RCC2: variants seen among roughly 807,000 people sequenced by gnomAD.
RCC2 encodes the protein protein RCC2.
A neutral mutation model predicts 64.1 loss-of-function variants in RCC2; 19 were observed. That is an observed-to-expected ratio of 0.30 (90% confidence interval 0.21 to 0.44). The LOEUF (loss-of-function observed/expected upper bound fraction) is 0.44, where lower values mean the gene tolerates loss of function less well. RCC2 is among the 20% of genes least tolerant of loss of function. The pLI is 1.00. For missense variants in RCC2, 508 were observed against 710.4 expected (o/e 0.72, Z 3.24); for synonymous variants, 325 against 279.6 (o/e 1.16, Z -1.62).
Position 17,438,299 on chromosome 1 carries a change from C to T in RCC2, c.216G>A (p.Pro72=). ...APGGGKRAAR[P]ATAGKAGGAA... is the part of the protein sequence containing the mutation. ...CGCCGCCCGCCTTGCCTGCTGTCGC[C>T]GGCCGCGCCGCGCGCTTGCCCCCGC... is the stretch of plus-strand genomic sequence containing the variant. Residue 72 remains proline (P), a synonymous_variant, in exon 2 of 13, where the codon CCG becomes CCA. Transcript: ENST00000375436. The T allele has an allele frequency of 1.6e-6, 2 of 1,253,670 alleles. No homozygotes were observed. Among genetic ancestry groups the T allele is most frequent in the Non-Finnish European group, 2.0e-6 (2 of 987,672 alleles). 77.7% of individuals were successfully genotyped at this position (1,253,670 alleles called of 1,614,324 possible).
At chr1:17,430,502 A>AG (rs1553158354) in intron 2 of RCC2, among the ~76,000 whole-genome samples, 101 of 142,634 alleles carry the variant, frequency 7.1e-4, no homozygotes, top group African/African-American at 9.2e-4. Context: ...AAAAAAAAAA[A>AG]GGGGGCCAGG....
rs368209180 is a variant in RCC2 at position 17,417,998 on chromosome 1, GA to G, written c.860-1353del. The stretch of plus-strand genomic sequence containing the variant: ...TTAGGTACTGAAGTAATCTAGAGAT[GA>G]TTTTAAGTGTACAGGTTACATGCAA... On this transcript the variant is annotated intron_variant, in intron 7 of 12. Transcript: ENST00000375436. 2.5e-3 allele frequency among the ~76,000 whole-genome samples: 380 copies of G among 152,014 alleles called. 1 individual carries two copies. Among genetic ancestry groups the G allele is most frequent in the African/African-American group, 8.5e-3 (353 of 41,428 alleles).
chr1:17,420,608 G>A (rs911144283), intron 7 of RCC2, 106 bp downstream of exon 7: 2 of 639,424 alleles, frequency 3.1e-6, no homozygotes, highest in Non-Finnish European at 5.2e-6. Context: ...TATTATCTGA[G>A]ATCAATTACC....
At chr1:17,432,075 C>T (rs933791639) in intron 2 of RCC2, among the ~76,000 whole-genome samples, 3 of 151,720 alleles carry the variant, frequency 2.0e-5, no homozygotes, top group Non-Finnish European at 1.5e-5. Context: ...GCAACAAGAG[C>T]GAAACTCTGT....
In RCC2 at chr1:17,438,368, G is replaced by A. The variant is rs2075765620; in HGVS notation, c.147C>T (p.Gly49=). Residue 49 remains glycine (G), a synonymous_variant, in exon 2 of 13, where the codon GGC becomes GGT. Transcript: ENST00000375436. ...PERCSSSSGG[G]SSGDEDGLEL... is the part of the protein sequence containing the mutation. The stretch of plus-strand genomic sequence containing the variant: ...CCAGGCCGTCCTCGTCGCCGCTGCT[G>A]CCGCCGCCGCTGCTGCTACTGCAGC... 2 of 1,241,854 alleles carry A rather than the reference G, an allele frequency of 1.6e-6. No homozygotes were observed. Among genetic ancestry groups the A allele is most frequent in the Non-Finnish European group, 2.0e-6 (2 of 996,094 alleles). The allele number at this position is 1,241,854 out of a possible 1,614,324, so 76.9% of individuals were successfully genotyped here.
At chr1:17,437,388 A>T (rs1055742050) in intron 2 of RCC2, among the ~76,000 whole-genome samples, 5 of 151,460 alleles carry the variant, frequency 3.3e-5, no homozygotes, top group African/African-American at 1.2e-4. Context: ...CACCAAACTT[A>T]AAGAAAGTTC....
rs2075658906 is a variant in RCC2, at chr1:17,430,011, CAT to C, written c.286-814_286-813del. Among the ~76,000 whole-genome samples the C allele has an allele frequency of 1.3e-5, 2 of 152,232 alleles. 1 individual carries two copies. Among genetic ancestry groups the C allele is most frequent in the South Asian group, 4.1e-4 (2 of 4,834 alleles). ...CCATTGTTCAATTCTGGGTGGCACT[CAT>C]AATATTCTCAGCACTTTGCTTCCTT... On this transcript the variant is annotated intron_variant, in intron 2 of 12. Transcript: ENST00000375436.
rs201310575 is a variant in RCC2, at chr1:17,422,186, A to G, written c.744+17T>C. ...GAGAAACAAAAAGCCATGGAGCCGG[A>G]GCTGAGGAGGGGTCACCTGCGCGGG... On this transcript the variant is annotated intron_variant, in intron 6 of 12. Transcript: ENST00000375436. The G allele has an allele frequency of 2.4e-5, 37 of 1,567,458 alleles. No individual in the cohort carries two copies. The highest frequency in any genetic ancestry group is 2.6e-6 in the Non-Finnish European group (3 of 1,148,568).
At chr1:17,419,575 T>C (rs1233365377) in intron 7 of RCC2, among the ~76,000 whole-genome samples, 1 of 152,230 alleles carries the variant, frequency 6.6e-6, no homozygotes, top group Non-Finnish European at 1.5e-5. Context: ...ATTTCCAAAC[T>C]ACCTGCAAGT....
intron 3 of RCC2, 127 bp from the exon 4 acceptor site, chr1:17,425,811 C>T (rs2075609511): frequency 1.0e-6 from 1 of 960,016 alleles, no homozygotes; most frequent in African/African-American, 1.6e-5. Flanking sequence ...TGCCACCCTG[C>T]CTTGGCTGTT....
intron 7 of RCC2, among the ~76,000 whole-genome samples, chr1:17,419,091 A>G (rs1396062917): frequency 6.6e-6 from 1 of 152,196 alleles, no homozygotes; most frequent in East Asian, 1.9e-4. Flanking sequence ...ACGGTGGCTC[A>G]TGCCTGTAAT....
At chr1:17,431,680 C>T (rs1047422609) in intron 2 of RCC2, among the ~76,000 whole-genome samples, 20 of 151,678 alleles carry the variant, frequency 1.3e-4, no homozygotes, top group Non-Finnish European at 2.4e-4. Context: ...AACCTTTACA[C>T]GACCCAAACC....
At chr1:17,438,600 A>T in intron 1 of RCC2, 78 bp from the exon 2 acceptor site, 4 of 1,236,104 alleles carry the variant, frequency 3.2e-6, no homozygotes, top group Non-Finnish European at 4.1e-6. Flanking sequence ...GAGACGAGCC[A>T]CCCGGCCTCC....
chr1:17,413,679 G>T lies in RCC2; in HGVS notation c.1065C>A (p.Gly355=). The change falls in exon 9 of 13, where the codon GGC becomes GGA. Residue 355 remains glycine, a synonymous_variant. Transcript: ENST00000375436. ...GGCCCAGCCGGCCATAGCCACCAAA[G>T]CCCCAGGAGAAGACTCGCTTCTGGG... ...LDSQKRVFSW[G]FGGYGRLGHA... 2 of 1,613,992 alleles carry T rather than the reference G, an allele frequency of 1.2e-6. No homozygotes were observed. The highest frequency in any genetic ancestry group is 1.7e-6 in the Non-Finnish European group (2 of 1,179,954).
chr1:17,437,803 CG>C (rs1323592255), intron 2 of RCC2, among the ~76,000 whole-genome samples: 1 of 145,490 alleles, frequency 6.9e-6, no homozygotes, highest in Non-Finnish European at 1.5e-5. Context: ...GGCGCCCGGG[CG>C]CAGCGGCGGC....
In RCC2 at chr1:17,416,560, T is replaced by A; in HGVS notation, c.946A>T (p.Ile316Phe). ...ATCTGTCCATCTTTCGTCTTCTCAA[T>A]GAAGATGGCCACTCGCCGGGGAACT... ...ELVPRRVAIFIEKTKDGQILP... is the reference protein window; with the variant it reads ...ELVPRRVAIFFEKTKDGQILP... Residue 316 changes from isoleucine (I) to phenylalanine (F), a missense_variant, in exon 8 of 13, where the codon ATT becomes TTT. Physicochemically the swap from Ile to Phe is conservative, Grantham distance 21. Transcript: ENST00000375436. 2 of 1,614,080 alleles carry A rather than the reference T, an allele frequency of 1.2e-6. No individual in the cohort carries two copies. Among genetic ancestry groups the A allele is most frequent in the Non-Finnish European group, 1.7e-6 (2 of 1,180,038 alleles).
chr1:17,437,982 G>A (rs1194122595), intron 2 of RCC2, among the ~76,000 whole-genome samples: 3 of 145,540 alleles, frequency 2.1e-5, no homozygotes, highest in Non-Finnish European at 3.1e-5. Context: ...GGGCCCGGGC[G>A]CGCGCCCCAA....
At chr1:17,421,560 C>G (rs2075556465) in intron 6 of RCC2, among the ~76,000 whole-genome samples, 1 of 152,020 alleles carries the variant, frequency 6.6e-6, no homozygotes, top group African/African-American at 2.4e-5. Flanking sequence ...TGACTTTATA[C>G]AAGGTCAAAA....
intron 4 of RCC2, 55 bp from the exon 5 acceptor site, chr1:17,422,891 AC>A: frequency 2.5e-6 from 4 of 1,609,888 alleles, no homozygotes; most frequent in Non-Finnish European, 1.7e-6. Flanking sequence ...AGGCGGCACC[AC>A]CAGGAGAAGG....
Sources: allele counts gnomAD v4.1 joint callset (sites outside exome capture counted in the v4.1 genomes callset), GRCh38; gene constraint gnomAD v4.1.1; transcripts MANE v1.5; gene names NCBI Gene and HGNC (gene_info 2026-07-23, HGNC 2026-07-21).